SCYL2: variants seen among roughly 807,000 people sequenced by gnomAD.
The protein encoded by SCYL2 is SCY1-like protein 2.
In SCYL2, 36 loss-of-function variants were observed where a neutral mutation model predicts 100.4. That is an observed-to-expected ratio of 0.36 (90% CI 0.27 to 0.47). The LOEUF (loss-of-function observed/expected upper bound fraction) is 0.47. Among genes scored for constraint, SCYL2 ranks in the 20% least tolerant of loss-of-function variants. SCYL2 has a pLI of 1.00. For synonymous variants in SCYL2, 330 were observed against 359.2 expected, an observed-to-expected ratio of 0.92 and a Z score of 0.92; for missense variants, 902 against 1,083.9, an observed-to-expected ratio of 0.83 and a Z score of 2.36.
Position 100,329,303 on chromosome 12 carries a change from A to C in SCYL2, c.1745A>C (p.Asn582Thr), listed in dbSNP as rs923076103. 2.0e-6 allele frequency: 3 copies of C among 1,519,926 alleles called. No individual in the cohort carries two copies. The highest frequency in any genetic ancestry group is 1.4e-5 in the African/African-American group (1 of 73,154). The allele number at this position is 1,519,926 out of a possible 1,614,324, so 94.2% of individuals were successfully genotyped here. ...CTTATTCCCCTGAGTATTGAAAACA[A>C]TCTTAATCTTAATCAGGTAGGAGTA... ...PHLIPLSIEN[N>T]LNLNQFNSFI... Residue 582 changes from asparagine to threonine, a missense_variant, in exon 13 of 18, where the codon AAT (asparagine) becomes ACT (threonine). Coordinates refer to ENST00000360820, the MANE Select transcript of SCYL2 (RefSeq NM_017988.6).
At chr12:100,309,840 A>G (rs970787348) in intron 4 of SCYL2, among the ~76,000 whole-genome samples, 2 of 152,310 alleles carry the variant, frequency 1.3e-5, no homozygotes, top group Admixed American at 1.3e-4. Context: ...TTTGGGGGGA[A>G]CAATTATACT....
At chr12:100,294,954 A>G (rs576272010) in intron 3 of SCYL2, among the ~76,000 whole-genome samples, 191 of 146,390 alleles carry the variant, frequency 1.3e-3, no homozygotes, top group African/African-American at 4.5e-3. Flanking sequence ...GGCGGTTGCC[A>G]GGCAGAGGGT....
intron 7 of SCYL2, 110 bp from the exon 8 acceptor site, chr12:100,314,379 T>C: frequency 1.4e-6 from 1 of 723,884 alleles, no homozygotes; most frequent in Non-Finnish European, 2.2e-6. Context: ...ATCTTCAGCA[T>C]TTTGCTAAAT....
At chr12:100,286,032 T>A (rs2096304125) in intron 2 of SCYL2, among the ~76,000 whole-genome samples, 1 of 152,182 alleles carries the variant, frequency 6.6e-6, no homozygotes, top group Non-Finnish European at 1.5e-5. Context: ...AATACTGTTA[T>A]CTGTTAGGTA....
intron 2 of SCYL2, among the ~76,000 whole-genome samples, chr12:100,286,053 G>A (rs77597993): frequency 0.034 from 5,168 of 152,122 alleles, 110 homozygotes; most frequent in Middle Eastern, 0.082. Context: ...GGAATATTAT[G>A]ACTATCAAGG....
intron 3 of SCYL2, among the ~76,000 whole-genome samples, chr12:100,293,714 G>C (rs1458067471): frequency 6.6e-6 from 1 of 151,852 alleles, no homozygotes; most frequent in South Asian, 2.1e-4. Context: ...CTTGAGATTA[G>C]GGAGTGGTGA....
chr12:100,315,554 T>G lies in SCYL2; in HGVS notation c.1096-4T>G. 1 of 1,568,948 alleles carries G rather than the reference T, an allele frequency of 6.4e-7. No homozygotes were observed. The highest frequency in any genetic ancestry group is 1.4e-5 in the African/African-American group (1 of 72,942). On this transcript the variant is annotated splice_region_variant and splice_polypyrimidine_tract_variant and intron_variant, in intron 8 of 17. Coordinates refer to ENST00000360820, the MANE Select transcript of SCYL2 (RefSeq NM_017988.6). Reference sequence around the variant, plus strand: ...TTTTTTTAAAAAACATTTTTGCCTTTCAGCGTGTCATTGTGCAGAGAATTT... The same window carrying G: ...TTTTTTTAAAAAACATTTTTGCCTTGCAGCGTGTCATTGTGCAGAGAATTT...
intron 1 of SCYL2, among the ~76,000 whole-genome samples, chr12:100,271,526 A>G (rs915704177): frequency 6.6e-6 from 1 of 152,154 alleles, no homozygotes; most frequent in Non-Finnish European, 1.5e-5. Flanking sequence ...CAAATCTCAG[A>G]CCTTTGTGCC....
chr12:100,271,242 C>T (rs1006764027), intron 1 of SCYL2, among the ~76,000 whole-genome samples: 16 of 141,608 alleles, frequency 1.1e-4, no homozygotes, highest in African/African-American at 4.4e-4. Context: ...AAAGTTAGCC[C>T]TGCTCCTTGC....
intron 17 of SCYL2, 45 bp downstream of exon 17, chr12:100,337,551 A>G (rs886620485): frequency 1.9e-6 from 3 of 1,566,626 alleles, no homozygotes; most frequent in African/African-American, 2.7e-5. Context: ...TACGACTGTT[A>G]AGGAGTAAGG....
chr12:100,303,346 T>G (rs2096330047), intron 4 of SCYL2, among the ~76,000 whole-genome samples: 1 of 152,212 alleles, frequency 6.6e-6, no homozygotes, highest in African/African-American at 2.4e-5. Flanking sequence ...TTTGGAATTT[T>G]CAGCCTTTTG....
intron 10 of SCYL2, among the ~76,000 whole-genome samples, chr12:100,320,273 G>A (rs895762809): frequency 5.3e-5 from 8 of 152,012 alleles, no homozygotes; most frequent in African/African-American, 1.2e-4. Context: ...GGCTGGGTGC[G>A]GTGGCTCATG....
Position 100,299,912 on chromosome 12 carries a change from T to A in SCYL2, c.480+1737T>A, listed in dbSNP as rs144642511. Among the ~76,000 whole-genome samples the A allele has an allele frequency of 2.7e-3, 406 of 152,350 alleles. 2 individuals carry two copies. Among genetic ancestry groups the A allele is most frequent in the Non-Finnish European group, 4.2e-3 (289 of 68,030 alleles). On this transcript the variant is annotated intron_variant, in intron 4 of 17. Transcript: ENST00000360820. ...ATGGCTAGATCAAATAGTATGTGTA[T>A]GATTCACTTTTTAAGAAAATGATAC...
chr12:100,314,518 A>G lies in SCYL2; in HGVS notation c.999A>G (p.Val333=). Residue 333 remains valine, a synonymous_variant, in exon 8 of 18, where the codon GTA becomes GTG. Transcript: ENST00000360820. ...CCTTCTTTGATGATGTTGGTGCAGTAACACTGCAATATTTTGATACCTTAT... is the reference window on the plus strand; with the variant it reads ...CCTTCTTTGATGATGTTGGTGCAGTGACACTGCAATATTTTGATACCTTAT... The part of the protein sequence containing the change: ...KIPFFDDVGA[V]TLQYFDTLFQ... 6.3e-7 allele frequency: 1 copy of G among 1,583,054 alleles called. No homozygotes were observed. The highest frequency in any genetic ancestry group is 1.1e-5 in the South Asian group (1 of 87,120).
chr12:100,290,893 G>C (rs11615186), intron 2 of SCYL2, among the ~76,000 whole-genome samples: 4,980 of 152,180 alleles, frequency 0.033, 113 homozygotes, highest in Non-Finnish European at 0.05. Flanking sequence ...GGAAGAAGAT[G>C]GTAAGGAGGA....
intron 5 of SCYL2, 114 bp from the exon 6 acceptor site, chr12:100,312,318 G>A (rs2096343131): frequency 2.6e-6 from 2 of 783,052 alleles, no homozygotes; most frequent in South Asian, 1.6e-5. Context: ...GATTGAAGGC[G>A]TGATGGCATT....
chr12:100,334,165 G>T lies in SCYL2; in HGVS notation c.1762-1G>T. On this transcript the variant is annotated splice_acceptor_variant, in intron 13 of 17. Coordinates refer to ENST00000360820, the MANE Select transcript of SCYL2 (RefSeq NM_017988.6). LOFTEE classifies it high-confidence loss of function. The stretch of plus-strand genomic sequence containing the variant: ...ACCATATCAATTTCTCATTATACCA[G>T]TTCAATTCTTTCATTTCCGTCATAA... The T allele has an allele frequency of 6.4e-7, 1 of 1,554,706 alleles. No individual in the cohort carries two copies.
intron 7 of SCYL2, among the ~76,000 whole-genome samples, 181 bp from the exon 8 acceptor site, chr12:100,314,308 T>C (rs867338625): frequency 2.0e-5 from 3 of 152,344 alleles, no homozygotes; most frequent in Middle Eastern, 6.8e-3. Flanking sequence ...TTCCAAAGAT[T>C]TGAACTTGAA....
chr12:100,326,530 C>T (rs1388915163), intron 11 of SCYL2, 92 bp from the exon 12 acceptor site: 2 of 848,350 alleles, frequency 2.4e-6, no homozygotes, highest in Admixed American at 6.1e-5. Flanking sequence ...GAGACTTTAA[C>T]ATATTTATAT....
Sources: allele counts gnomAD v4.1 joint callset (sites outside exome capture counted in the v4.1 genomes callset), GRCh38; gene constraint gnomAD v4.1.1; transcripts MANE v1.5; gene names NCBI Gene and HGNC (gene_info 2026-07-23, HGNC 2026-07-21).